DLC1: variants seen among roughly 807,000 people sequenced by gnomAD.
DLC1 encodes rho GTPase-activating protein 7.
Under a neutral mutation model 140.3 loss-of-function variants are expected in DLC1, and 54 were observed. That is an observed-to-expected ratio of 0.38 (90% confidence interval 0.31 to 0.48). DLC1 has a LOEUF of 0.48. Among genes scored for constraint, DLC1 ranks in the 20% least tolerant of loss-of-function variants. The pLI, the probability that DLC1 is intolerant of heterozygous loss-of-function variation, is 0.96. For synonymous variants in DLC1, 986 were observed against 728.1 expected (o/e 1.35, Z -5.70); for missense variants, 2,536 against 1,907.0 (o/e 1.33, Z -6.14).
intron 5 of DLC1, among the ~76,000 whole-genome samples, chr8:13,248,391 A>C (rs538096706): frequency 5.4e-4 from 55 of 102,588 alleles, no homozygotes; most frequent in Non-Finnish European, 9.5e-4. Flanking sequence ...AGACTCTCTG[A>C]CTCTGAGAAA....
chr8:13,481,496 A>G (rs1443109006), intron 2 of DLC1, among the ~76,000 whole-genome samples: 2 of 152,226 alleles, frequency 1.3e-5, no homozygotes, highest in Non-Finnish European at 2.9e-5. Context: ...AATAACTGAC[A>G]TTCATAAAGC....
At chr8:13,469,553 T>C (rs2117062699) in intron 2 of DLC1, among the ~76,000 whole-genome samples, 1 of 152,294 alleles carries the variant, frequency 6.6e-6, no homozygotes, top group South Asian at 2.1e-4. Flanking sequence ...GGGGCTGACA[T>C]ATAGTAATTA....
intron 5 of DLC1, among the ~76,000 whole-genome samples, chr8:13,143,531 C>T (rs1037859372): frequency 6.6e-6 from 1 of 152,140 alleles, no homozygotes; most frequent in African/African-American, 2.4e-5. Context: ...TCACGGTTCA[C>T]TGCAGCCTTG....
chr8:13,509,815 C>T (rs570918635), intron 1 of DLC1, among the ~76,000 whole-genome samples: 6 of 152,166 alleles, frequency 3.9e-5, no homozygotes, highest in East Asian at 1.9e-4. Flanking sequence ...CTTTTTTCCC[C>T]CTGGTGATTA....
chr8:13,268,169 T>C (rs913691091), intron 5 of DLC1, among the ~76,000 whole-genome samples: 11 of 152,244 alleles, frequency 7.2e-5, no homozygotes, highest in African/African-American at 2.7e-4. Flanking sequence ...TTTTAGGCTT[T>C]AGTACTTTTA....
In DLC1 at chr8:13,098,408, C is replaced by T. The variant is rs1350259841; in HGVS notation, c.3158G>A (p.Gly1053Asp). 4 of 1,614,036 alleles carry T rather than the reference C, an allele frequency of 2.5e-6. No individual in the cohort carries two copies. Among genetic ancestry groups the T allele is most frequent in the South Asian group, 1.1e-5 (1 of 91,058 alleles). Residue 1053 changes from glycine to aspartate, a missense_variant, in exon 10 of 18, where the codon GGT becomes GAT. By Grantham distance (94) the Gly-to-Asp change is moderately conservative. Transcript: ENST00000276297. ...TCATTTAAACTCTTACCAGCTAAAA[C>T]CATGCTTGTTAGAAGGTGTGTATTT... The part of the protein sequence containing the change: ...LEKYTPSNKH[G>D]FSWAVPKFMK...
intron 2 of DLC1, among the ~76,000 whole-genome samples, chr8:13,453,449 C>CAT (rs1233667712): frequency 0.026 from 272 of 10,546 alleles, 21 homozygotes; most frequent in Non-Finnish European, 0.027. Context: ...TATATATATA[C>CAT]ATATATATAT....
intron 4 of DLC1, among the ~76,000 whole-genome samples, chr8:13,355,900 T>C (rs551749515): frequency 3.4e-4 from 52 of 151,026 alleles, no homozygotes; most frequent in South Asian, 3.4e-3. Flanking sequence ...TTGGCTAACA[T>C]GGTGAAACCC....
At chr8:13,125,487 T>C (rs1201426868) in intron 5 of DLC1, among the ~76,000 whole-genome samples, 1 of 152,254 alleles carries the variant, frequency 6.6e-6, no homozygotes, top group Non-Finnish European at 1.5e-5. Flanking sequence ...CAGCATGTTG[T>C]CTTCCAAAGA....
At chr8:13,581,497 C>G (rs1026828430) in intron 1 of DLC1, among the ~76,000 whole-genome samples, 2 of 152,202 alleles carry the variant, frequency 1.3e-5, no homozygotes, top group African/African-American at 2.4e-5. Context: ...CTCTGATGTA[C>G]TATGTCCAAT....
chr8:13,280,149 G>C (rs1179783415), intron 5 of DLC1, among the ~76,000 whole-genome samples: 1 of 151,154 alleles, frequency 6.6e-6, no homozygotes, highest in Non-Finnish European at 1.5e-5. Context: ...TTAGCCGGGC[G>C]TGGTGGCAGG....
At chr8:13,531,139 C>A (rs965337221) in intron 1 of DLC1, among the ~76,000 whole-genome samples, 1 of 152,160 alleles carries the variant, frequency 6.6e-6, no homozygotes, top group Admixed American at 6.5e-5. Flanking sequence ...TTTCCTGGAA[C>A]TGAATTGCTC....
At chr8:13,427,622 C>T (rs1289919346) in intron 2 of DLC1, among the ~76,000 whole-genome samples, 1 of 152,030 alleles carries the variant, frequency 6.6e-6, no homozygotes, top group African/African-American at 2.4e-5. Context: ...TAATTGGTCC[C>T]CCTCTCTCTG....
chr8:13,126,808 G>C (rs998588356), intron 5 of DLC1, among the ~76,000 whole-genome samples: 1 of 152,152 alleles, frequency 6.6e-6, no homozygotes, highest in African/African-American at 2.4e-5. Context: ...TTATAGTTCT[G>C]CGATAGCACA....
intron 5 of DLC1, among the ~76,000 whole-genome samples, chr8:13,247,154 A>G (rs937865927): frequency 3.3e-5 from 5 of 152,204 alleles, no homozygotes; most frequent in African/African-American, 7.2e-5. Context: ...AGGCAAAAAT[A>G]TTGCTGAAAT....
intron 2 of DLC1, among the ~76,000 whole-genome samples, chr8:13,487,656 C>G (rs61072156): frequency 6.6e-6 from 1 of 152,054 alleles, no homozygotes; most frequent in African/African-American, 2.4e-5. Context: ...TCACTGCAAC[C>G]TCCCCAACCC....
chr8:13,534,858 A>C (rs528232633), intron 1 of DLC1, among the ~76,000 whole-genome samples: 1 of 152,292 alleles, frequency 6.6e-6, no homozygotes, highest in East Asian at 1.9e-4. Context: ...TGAGGAATGG[A>C]ATGGAAAAAA....
chr8:13,492,342 T>C (rs764250789), intron 2 of DLC1, among the ~76,000 whole-genome samples: 1 of 152,144 alleles, frequency 6.6e-6, no homozygotes, highest in Non-Finnish European at 1.5e-5. Flanking sequence ...CTGCTTGTGA[T>C]AACCACATCA....
rs866441536 is a variant in DLC1 at position 13,372,393 on chromosome 8, A to C, written c.1314+21160T>G. 2.0e-5 allele frequency among the ~76,000 whole-genome samples: 3 copies of C among 152,316 alleles called. No individual in the cohort carries two copies. The South Asian group carries it at 6.2e-4, about 32-fold the overall frequency. ...AGTAGCCTGTTTACAACCATTTTGT[A>C]CACAAACAGAAGAACCGTTTGAGGA... On this transcript the variant is annotated intron_variant, in intron 4 of 17. Transcript: ENST00000276297.
Sources: allele counts gnomAD v4.1 joint callset (sites outside exome capture counted in the v4.1 genomes callset), GRCh38; gene constraint gnomAD v4.1.1; transcripts MANE v1.5; gene names NCBI Gene and HGNC (gene_info 2026-07-23, HGNC 2026-07-21).